Variants in NEBL observed in about 807,000 individuals in gnomAD.
NEBL encodes the protein LIM and SH3 protein 2.
A neutral mutation model predicts 140.2 loss-of-function variants in NEBL; 122 were observed. The observed-to-expected ratio is 0.87, with a 90% CI of 0.75 to 1.01. NEBL has a LOEUF of 1.01. Ranked by LOEUF, NEBL falls within the 50% of genes least tolerant of loss-of-function variation. NEBL has a pLI of 0.00. For missense variants in NEBL, 1,365 were observed against 1,231.3 expected (o/e 1.11, Z -1.62); for synonymous variants, 436 against 398.9 (o/e 1.09, Z -1.11).
chr10:21,186,221 A>T (rs996057462), intron 3 of NEBL, among the ~76,000 whole-genome samples: 2 of 151,966 alleles, frequency 1.3e-5, no homozygotes, highest in Admixed American at 6.6e-5. Context: ...GAGAACATAC[A>T]TAACCATCCC....
chr10:20,933,848 C>T (rs1272750733), intron 4 of NEBL, among the ~76,000 whole-genome samples: 1 of 152,190 alleles, frequency 6.6e-6, no homozygotes. Context: ...AGTTCTAGTT[C>T]TCAAGTGAGG....
At chr10:20,880,930 C>T in intron 4 of NEBL, 26 bp from the exon 5 acceptor site, 2 of 1,583,226 alleles carry the variant, frequency 1.3e-6, no homozygotes, top group Non-Finnish European at 1.7e-6. Context: ...AATTTTTAGT[C>T]CCATTTAGAG....
chr10:21,102,821 GTTTGT>G (rs1231639839), intron 2 of NEBL, among the ~76,000 whole-genome samples: 2 of 152,102 alleles, frequency 1.3e-5, no homozygotes, highest in Non-Finnish European at 2.9e-5. Flanking sequence ...TTTTTTGTTT[GTTTGT>G]TTTATTTTTA....
At chr10:21,123,178 T>G (rs908792533) in intron 2 of NEBL, among the ~76,000 whole-genome samples, 1 of 152,186 alleles carries the variant, frequency 6.6e-6, no homozygotes, top group African/African-American at 2.4e-5. Flanking sequence ...AATAAATCCA[T>G]GCAACTCTTA....
chr10:21,016,859 C>T (rs186051165), intron 3 of NEBL, among the ~76,000 whole-genome samples: 37 of 152,304 alleles, frequency 2.4e-4, no homozygotes, highest in Middle Eastern at 3.4e-3. Context: ...TACCTACCCA[C>T]GTTTTTGCAA....
chr10:20,871,498 G>C (rs1404169174), intron 5 of NEBL, among the ~76,000 whole-genome samples: 10 of 151,714 alleles, frequency 6.6e-5, no homozygotes. Flanking sequence ...ACATCAACAG[G>C]CTCCCTGTGC....
At chr10:20,861,060 C>CTT (rs143978719) in intron 7 of NEBL, among the ~76,000 whole-genome samples, 3 of 152,030 alleles carry the variant, frequency 2.0e-5, no homozygotes, top group African/African-American at 7.3e-5. Context: ...GAAAAACTGA[C>CTT]TTTTTTTATT....
intron 26 of NEBL, among the ~76,000 whole-genome samples, chr10:20,803,808 G>A (rs372861201): frequency 5.7e-4 from 78 of 136,310 alleles, no homozygotes; most frequent in African/African-American, 2.0e-3. Flanking sequence ...CCTTCTGTAC[G>A]AAAAATATAT....
intron 2 of NEBL, among the ~76,000 whole-genome samples, chr10:20,890,718 G>A (rs1443983207): frequency 6.6e-6 from 1 of 152,192 alleles, no homozygotes; most frequent in Non-Finnish European, 1.5e-5. Context: ...TCCCCTTTGG[G>A]GATAGGCCAG....
At chr10:20,992,991 G>A (rs1837527347) in intron 3 of NEBL, among the ~76,000 whole-genome samples, 1 of 151,578 alleles carries the variant, frequency 6.6e-6, no homozygotes, top group South Asian at 2.1e-4. Flanking sequence ...CACTGTGTTA[G>A]CCAGGATGGT....
chr10:20,922,596 C>T (rs1833647516), intron 4 of NEBL, among the ~76,000 whole-genome samples: 1 of 152,154 alleles, frequency 6.6e-6, no homozygotes, highest in African/African-American at 2.4e-5. Context: ...TGAAGACCTC[C>T]AGGGAAGGAG....
At chr10:21,148,978 T>G (rs1414045184) in intron 2 of NEBL, among the ~76,000 whole-genome samples, 1 of 152,102 alleles carries the variant, frequency 6.6e-6, no homozygotes, top group Non-Finnish European at 1.5e-5. Context: ...GAAGGGGTCC[T>G]GCCCCATACC....
intron 19 of NEBL, 118 bp from the exon 20 acceptor site, chr10:20,819,634 A>T: frequency 1.6e-6 from 2 of 1,267,416 alleles, no homozygotes; most frequent in South Asian, 2.5e-5. Context: ...TAAGATCATC[A>T]TCAGGATTTC....
chr10:20,905,626 A>T (rs10828147), intron 4 of NEBL, among the ~76,000 whole-genome samples: 83,264 of 152,016 alleles, frequency 0.55, 24,309 homozygotes, highest in Non-Finnish European at 0.64. Flanking sequence ...AAACCATGTC[A>T]CCAATAAATG....
intron 2 of NEBL, among the ~76,000 whole-genome samples, chr10:21,074,685 A>G (rs1835982571): frequency 6.6e-6 from 1 of 152,044 alleles, no homozygotes; most frequent in South Asian, 2.1e-4. Flanking sequence ...TCACTGTGTT[A>G]GCCAGGATGA....
At chr10:20,897,100 T>A (rs749065365) in intron 1 of NEBL, 25 bp downstream of exon 1, 1 of 1,588,222 alleles carries the variant, frequency 6.3e-7, no homozygotes, top group African/African-American at 1.3e-5. Flanking sequence ...CAAACGCTGG[T>A]CTGAGTATGT....
At chr10:21,213,451 C>T (rs1841946646) in intron 3 of NEBL, among the ~76,000 whole-genome samples, 1 of 152,198 alleles carries the variant, frequency 6.6e-6, no homozygotes, top group Non-Finnish European at 1.5e-5. Context: ...AGAACAGTGT[C>T]TATAAAATGC....
intron 3 of NEBL, among the ~76,000 whole-genome samples, chr10:21,236,313 T>C (rs2132259453): frequency 6.6e-6 from 1 of 152,180 alleles, no homozygotes; most frequent in Non-Finnish European, 1.5e-5. Flanking sequence ...CTGGTTTTGT[T>C]ACTCACCTAC....
intron 2 of NEBL, among the ~76,000 whole-genome samples, chr10:21,043,712 C>T (rs1304520186): frequency 3.3e-5 from 5 of 152,148 alleles, no homozygotes; most frequent in South Asian, 4.1e-4. Flanking sequence ...AGATCTGCCA[C>T]GCCAAACAAT....
Sources: allele counts gnomAD v4.1 joint callset (sites outside exome capture counted in the v4.1 genomes callset), GRCh38; gene constraint gnomAD v4.1.1; transcripts MANE v1.5; gene names NCBI Gene and HGNC (gene_info 2026-07-23, HGNC 2026-07-21).